The following NID1 variants were observed in gnomAD, a reference collection of about 807,000 sequenced individuals.
The protein encoded by NID1 is nidogen 1.
NID1 carries 76 observed loss-of-function variants against 130.6 expected under a neutral mutation model. The ratio of observed to expected loss-of-function variants is 0.58; its 90% CI spans 0.48 to 0.70. NID1 has a LOEUF of 0.70. Ranked by LOEUF, NID1 falls within the 30% of genes least tolerant of loss-of-function variation. The pLI, the probability that NID1 is intolerant of heterozygous loss-of-function variation, is 0.00. For missense variants in NID1, 1,517 were observed against 1,664.8 expected (o/e 0.91, Z 1.54); for synonymous variants, 665 against 675.1 (o/e 0.98, Z 0.23).
chr1:236,055,930 AT>A (rs1227446020), intron 1 of NID1, among the ~76,000 whole-genome samples: 2 of 152,226 alleles, frequency 1.3e-5, no homozygotes, highest in East Asian at 3.8e-4. Context: ...TAGCAAAGCT[AT>A]TACAGATAGC....
intron 7 of NID1, among the ~76,000 whole-genome samples, chr1:236,028,608 G>A (rs1337234394): frequency 1.3e-5 from 2 of 151,824 alleles, no homozygotes; most frequent in African/African-American, 4.8e-5. Flanking sequence ...GAATGTCCTT[G>A]TTCTTAGGAA....
At chr1:235,978,803 C>T (rs1272841499) in intron 19 of NID1, among the ~76,000 whole-genome samples, 192 bp downstream of exon 19, 1 of 152,174 alleles carries the variant, frequency 6.6e-6, no homozygotes, top group Non-Finnish European at 1.5e-5. Flanking sequence ...CTCATCCTGA[C>T]AACTTCATGA....
chr1:236,007,049 G>T (rs1161707560), intron 12 of NID1, among the ~76,000 whole-genome samples: 2 of 152,046 alleles, frequency 1.3e-5, no homozygotes, highest in African/African-American at 4.8e-5. Context: ...TGGAGAAAGG[G>T]TCTAGCTCTG....
chr1:235,992,013 C>G (rs1390687149), intron 13 of NID1, among the ~76,000 whole-genome samples: 1 of 152,172 alleles, frequency 6.6e-6, no homozygotes, highest in African/African-American at 2.4e-5. Flanking sequence ...CCTCGCCGGG[C>G]TCCTTGATTC....
At chr1:236,020,312 G>A (rs1354970056) in intron 9 of NID1, among the ~76,000 whole-genome samples, 2 of 151,998 alleles carry the variant, frequency 1.3e-5, no homozygotes, top group Admixed American at 6.6e-5. Context: ...TTTTCAGAGT[G>A]GCTACTTTTC....
intron 1 of NID1, among the ~76,000 whole-genome samples, chr1:236,049,542 A>G (rs1214809039): frequency 1.3e-5 from 2 of 152,320 alleles, no homozygotes; most frequent in Admixed American, 6.5e-5. Context: ...TAAGAAATCC[A>G]CAATCCAGAA....
intron 12 of NID1, among the ~76,000 whole-genome samples, chr1:235,998,032 T>C (rs1297715464): frequency 1.3e-5 from 2 of 152,090 alleles, no homozygotes; most frequent in African/African-American, 4.8e-5. Context: ...GAGGAGTCAG[T>C]GGGAGGTGAC....
At chr1:236,063,269 CAA>C (rs1660093311) in intron 1 of NID1, among the ~76,000 whole-genome samples, 1 of 151,140 alleles carries the variant, frequency 6.6e-6, no homozygotes. Context: ...GTCAGGAGTT[CAA>C]GACTAGCCTG....
intron 1 of NID1, among the ~76,000 whole-genome samples, chr1:236,054,987 G>A (rs757937178): frequency 2.2e-4 from 34 of 151,206 alleles, no homozygotes; most frequent in Non-Finnish European, 4.1e-4. Context: ...TTTACAAAAC[G>A]ATAAAATATT....
intron 13 of NID1, among the ~76,000 whole-genome samples, chr1:235,992,577 G>T (rs758898015): frequency 2.8e-4 from 42 of 152,014 alleles, no homozygotes; most frequent in African/African-American, 1.0e-3. Flanking sequence ...CCAGGATTCC[G>T]CCTCGGCTCC....
intron 11 of NID1, 89 bp downstream of exon 11, chr1:236,013,322 G>T: frequency 1.5e-6 from 2 of 1,378,248 alleles, no homozygotes; most frequent in Non-Finnish European, 2.0e-6. Flanking sequence ...TCTTCTATTT[G>T]GGAGTGAGTT....
At chr1:236,038,341 G>T (rs1659325001) in intron 4 of NID1, 88 bp from the exon 5 acceptor site, 3 of 1,430,996 alleles carry the variant, frequency 2.1e-6, no homozygotes, top group South Asian at 2.7e-5. Context: ...CTCAAGCACT[G>T]CAGGGACTCA....
intron 9 of NID1, among the ~76,000 whole-genome samples, chr1:236,019,411 A>G (rs898679343): frequency 9.2e-5 from 14 of 152,246 alleles, no homozygotes; most frequent in African/African-American, 3.4e-4. Context: ...GCAGTTTTCA[A>G]TCAAGAAGAC....
intron 12 of NID1, among the ~76,000 whole-genome samples, chr1:235,998,871 GAGA>G (rs1376221631): frequency 2.0e-5 from 3 of 152,152 alleles, no homozygotes; most frequent in African/African-American, 7.2e-5. Flanking sequence ...CTGAAACTCA[GAGA>G]AGTTGAGACT....
chr1:236,049,634 C>G (rs542338133), intron 1 of NID1, among the ~76,000 whole-genome samples: 58 of 152,248 alleles, frequency 3.8e-4, no homozygotes, highest in South Asian at 1.2e-3. Flanking sequence ...ATTATGGTAT[C>G]ACTAATTATT....
chr1:236,018,404 A>G (rs1237297594), intron 9 of NID1, among the ~76,000 whole-genome samples: 1 of 152,206 alleles, frequency 6.6e-6, no homozygotes, highest in African/African-American at 2.4e-5. Context: ...TGATTATACT[A>G]ACTAGAGATT....
At chr1:236,048,178 A>C (rs1339559807) in intron 2 of NID1, among the ~76,000 whole-genome samples, 4 of 150,990 alleles carry the variant, frequency 2.6e-5, no homozygotes, top group Non-Finnish European at 5.9e-5. Context: ...CTAAAAATAC[A>C]AAAAAAACCA....
chr1:235,982,215 T>C (rs936028118), intron 15 of NID1, among the ~76,000 whole-genome samples: 1 of 152,132 alleles, frequency 6.6e-6, no homozygotes, highest in African/African-American at 2.4e-5. Context: ...ACAAGGATCC[T>C]GGATGAGGGC....
At chr1:236,061,967 T>C (rs746993718) in intron 1 of NID1, among the ~76,000 whole-genome samples, 25 of 152,154 alleles carry the variant, frequency 1.6e-4, no homozygotes, top group Non-Finnish European at 3.1e-4. Flanking sequence ...CCCTCATATA[T>C]TGTTGGTGGG....
Sources: allele counts gnomAD v4.1 joint callset (sites outside exome capture counted in the v4.1 genomes callset), GRCh38; gene constraint gnomAD v4.1.1; transcripts MANE v1.5; gene names NCBI Gene and HGNC (gene_info 2026-07-23, HGNC 2026-07-21).